Variants in DKK4 observed in about 807,000 individuals in gnomAD.
DKK4 encodes dickkopf Wnt signaling pathway inhibitor 4, also known as dickkopf-related protein 4.
DKK4 carries 15 observed loss-of-function variants against 14.5 expected under a neutral mutation model. The observed-to-expected ratio is 1.03, with a 90% CI of 0.69 to 1.59. DKK4 has a LOEUF of 1.59. Ranked by LOEUF, DKK4 falls within the 40% of genes most tolerant of loss-of-function variation. The pLI is 0.00. For synonymous variants in DKK4, 89 were observed against 105.2 expected (o/e 0.85, Z 0.94); for missense variants, 272 against 280.3 (o/e 0.97, Z 0.21).
At chr8:42,374,959 A>C in intron 2 of DKK4, 46 bp from the exon 3 acceptor site, 1 of 1,596,092 alleles carries the variant, frequency 6.3e-7, no homozygotes, top group Non-Finnish European at 8.6e-7. Flanking sequence ...TTCAAGGGGG[A>C]GAACCACAGA....
chr8:42,375,417 C>G (rs1824537716), intron 2 of DKK4, among the ~76,000 whole-genome samples: 1 of 151,690 alleles, frequency 6.6e-6, no homozygotes, highest in Non-Finnish European at 1.5e-5. Flanking sequence ...TGGTACATGC[C>G]TGTAGTCCTA....
At chr8:42,379,378 T>TAG (rs537441477), upstream of DKK4, among the ~76,000 whole-genome samples, 35 of 34,552 alleles carry the variant, frequency 1.0e-3, 1 homozygote, top group Middle Eastern at 0.012. Context: ...TATATATATA[T>TAG]AGAGAGAGAG....
chr8:42,386,224 GGGAT>G, the DKK4 span, among the ~76,000 whole-genome samples: 1 of 152,062 alleles, frequency 6.6e-6, no homozygotes, highest in East Asian at 1.9e-4. Context: ...CAAGTAGCTG[GGGAT>G]ATAGGTGTGC....
Position 42,374,239 on chromosome 8 carries a change from C to T in DKK4, c.536G>A (p.Arg179Lys). ...AGCTTGAGCAGTGTCTTTATGCCCT[C>T]TTCTGGAGCAGACCTGTCCCTCCAA... ...VLLEGQVCSRRGHKDTAQAPE... is the reference protein window; with the variant it reads ...VLLEGQVCSRKGHKDTAQAPE... The change falls in exon 4 of 4, where the codon AGA becomes AAA. Residue 179 changes from arginine (R) to lysine (K), a missense_variant. Transcript: ENST00000220812. The T allele has an allele frequency of 6.2e-7, 1 of 1,612,048 alleles. No individual in the cohort carries two copies. Among genetic ancestry groups the T allele is most frequent in the Non-Finnish European group, 8.5e-7 (1 of 1,178,986 alleles).
upstream of DKK4, among the ~76,000 whole-genome samples, chr8:42,380,485 G>C (rs757071607): frequency 7.2e-6 from 1 of 138,778 alleles, no homozygotes; most frequent in Admixed American, 7.1e-5. Flanking sequence ...GGGAGGGGGA[G>C]AGAGAGAGAG....
chr8:42,383,483 A>T, the DKK4 span, among the ~76,000 whole-genome samples: 1 of 152,352 alleles, frequency 6.6e-6, no homozygotes, highest in South Asian at 2.1e-4. Context: ...CACGTGGCCC[A>T]CGCCTTTGGA....
the DKK4 span, among the ~76,000 whole-genome samples, chr8:42,390,910 A>T: frequency 6.6e-6 from 1 of 152,076 alleles, no homozygotes; most frequent in African/African-American, 2.4e-5. Context: ...CTCTTTAGTG[A>T]GTAATCTATG....
chr8:42,390,948 A>G, the DKK4 span, among the ~76,000 whole-genome samples: 2 of 152,190 alleles, frequency 1.3e-5, no homozygotes, highest in South Asian at 2.1e-4. Context: ...CCATATGAAC[A>G]TCCTCAACGG....
the DKK4 span, among the ~76,000 whole-genome samples, chr8:42,390,435 C>T: frequency 2.1e-5 from 3 of 140,694 alleles, no homozygotes; most frequent in Non-Finnish European, 4.5e-5. Flanking sequence ...GCGATCTCGG[C>T]TCACTGCAAG....
Position 42,377,024 on chromosome 8 carries a change from C to A in DKK4, c.22G>T (p.Gly8Trp). 1 of 1,613,242 alleles carries A rather than the reference C, an allele frequency of 6.2e-7. No homozygotes were observed. Among genetic ancestry groups the A allele is most frequent in the Non-Finnish European group, 8.5e-7 (1 of 1,180,006 alleles). MVAAVLL[G>W]LSWLCSPLGA... ...AGGGGAGAGCAGAGCCAGCTCAGCC[C>A]CAGCAGGACGGCCGCCACCATCCTT... The change falls in exon 1 of 4, where the codon GGG becomes TGG. Residue 8 changes from glycine to tryptophan, a missense_variant. Gly to Trp is a radical substitution (Grantham distance 184, BLOSUM62 -2). Coordinates refer to ENST00000220812, the MANE Select transcript of DKK4 (RefSeq NM_014420.3).
the DKK4 span, among the ~76,000 whole-genome samples, chr8:42,389,773 T>A: frequency 6.6e-6 from 1 of 152,230 alleles, no homozygotes; most frequent in Admixed American, 6.5e-5. Context: ...TTGCTTTTTC[T>A]TTTTTTCTGG....
At chr8:42,389,190 G>C in the DKK4 span, among the ~76,000 whole-genome samples, 19 of 152,332 alleles carry the variant, frequency 1.2e-4, 1 homozygote, top group South Asian at 3.5e-3. Context: ...GCAATCCACT[G>C]CCTCAGTCTT....
chr8:42,390,805 T>C, the DKK4 span, among the ~76,000 whole-genome samples: 2 of 152,212 alleles, frequency 1.3e-5, no homozygotes, highest in African/African-American at 4.8e-5. Context: ...AAGAATATTA[T>C]CTCTGTGTCC....
chr8:42,378,036 A>C (rs780371989), upstream of DKK4, among the ~76,000 whole-genome samples: 8 of 152,322 alleles, frequency 5.3e-5, no homozygotes, highest in Admixed American at 2.0e-4. Context: ...ATTTCAGATG[A>C]AATTTCATGT....
chr8:42,380,489 G>A (rs1824652494), upstream of DKK4, among the ~76,000 whole-genome samples: 1 of 135,862 alleles, frequency 7.4e-6, no homozygotes, highest in African/African-American at 3.1e-5. Flanking sequence ...GGGGGAGAGA[G>A]AGAGAGAAAG....
upstream of DKK4, among the ~76,000 whole-genome samples, chr8:42,379,770 C>A (rs1021814067): frequency 1.3e-5 from 2 of 151,964 alleles, no homozygotes; most frequent in African/African-American, 4.8e-5. Context: ...GAGGTGCACT[C>A]AGGTGCTAGT....
the DKK4 span, among the ~76,000 whole-genome samples, chr8:42,385,608 AC>A: frequency 6.6e-6 from 1 of 151,346 alleles, no homozygotes; most frequent in Non-Finnish European, 1.5e-5. Flanking sequence ...CTTCTCTTTT[AC>A]CTTGTCTCCT....
chr8:42,379,133 C>A (rs1011944795), upstream of DKK4, among the ~76,000 whole-genome samples: 1 of 149,748 alleles, frequency 6.7e-6, no homozygotes, highest in Non-Finnish European at 1.5e-5. Flanking sequence ...CACCTGTAAT[C>A]CCAGCTACTC....
At chr8:42,375,884 ATGACTTATTAT>A in intron 1 of DKK4, 54 bp from the exon 2 acceptor site, 1 of 1,592,306 alleles carries the variant, frequency 6.3e-7, no homozygotes, top group Non-Finnish European at 8.6e-7. Context: ...ACGATGGAAG[ATGACTTATTAT>A]TGAAGGCAGG....
Sources: allele counts gnomAD v4.1 joint callset (sites outside exome capture counted in the v4.1 genomes callset), GRCh38; gene constraint gnomAD v4.1.1; transcripts MANE v1.5; gene names NCBI Gene and HGNC (gene_info 2026-07-23, HGNC 2026-07-21).